The following TMEM263 variants were observed in gnomAD, a reference collection of about 807,000 sequenced individuals.
The protein encoded by TMEM263 is UPF0444 transmembrane protein C12orf23.
TMEM263 carries 5 observed loss-of-function variants against 8.6 expected under a neutral mutation model. The observed-to-expected ratio is 0.58, with a 90% CI of 0.31 to 1.23. The LOEUF (loss-of-function observed/expected upper bound fraction) is 1.23. TMEM263 is among the 50% of genes most tolerant of loss of function. The probability of loss-of-function intolerance (pLI) is 0.07; values close to 1 mark genes in which losing one functional copy is unlikely to be tolerated. For missense variants in TMEM263, 104 were observed against 138.8 expected (o/e 0.75, Z 1.26); for synonymous variants, 50 against 47.9 (o/e 1.04, Z -0.18).
intron 2 of TMEM263, among the ~76,000 whole-genome samples, chr12:106,965,983 T>C (rs1345519034): frequency 1.3e-5 from 2 of 152,172 alleles, no homozygotes; most frequent in African/African-American, 4.8e-5. Flanking sequence ...AGTATTTATT[T>C]ATTAACTTTT....
At chr12:106,968,305 A>G (rs777919470) in intron 3 of TMEM263, among the ~76,000 whole-genome samples, 6 of 152,054 alleles carry the variant, frequency 3.9e-5, no homozygotes, top group Non-Finnish European at 7.4e-5. Flanking sequence ...CAAAAGAACT[A>G]TCGGAGATTG....
chr12:106,966,605 A>G (rs919307366), intron 2 of TMEM263, among the ~76,000 whole-genome samples: 4 of 152,226 alleles, frequency 2.6e-5, no homozygotes, highest in Admixed American at 1.3e-4. Context: ...GTGTATAAGC[A>G]TTCTTTTTTC....
intron 2 of TMEM263, among the ~76,000 whole-genome samples, chr12:106,957,359 G>A (rs1951713574): frequency 6.6e-6 from 1 of 152,138 alleles, no homozygotes; most frequent in Non-Finnish European, 1.5e-5. Context: ...ACCAAGTTCA[G>A]TAAAAATTTG....
chr12:106,965,595 G>C (rs1951832885), intron 2 of TMEM263, among the ~76,000 whole-genome samples: 1 of 142,296 alleles, frequency 7.0e-6, no homozygotes. Context: ...GACAGAGTGA[G>C]ACTCTGTCTC....
At chr12:106,970,607 G>A (rs1245132060) in intron 3 of TMEM263, among the ~76,000 whole-genome samples, 1 of 152,160 alleles carries the variant, frequency 6.6e-6, no homozygotes. Context: ...TATGAAAATA[G>A]TTTTTACCTT....
intron 2 of TMEM263, among the ~76,000 whole-genome samples, chr12:106,958,818 C>G (rs1951732797): frequency 6.6e-6 from 1 of 152,178 alleles, no homozygotes; most frequent in African/African-American, 2.4e-5. Flanking sequence ...GCTGTGTTGC[C>G]CAGGCTGCTC....
In TMEM263 at chr12:106,972,347, T is replaced by TA. The variant is rs1353856398; in HGVS notation, c.*961dup. 6.6e-6 allele frequency: 1 copy of TA among 152,146 alleles called. No individual in the cohort carries two copies. The highest frequency in any genetic ancestry group is 1.5e-5 in the Non-Finnish European group (1 of 67,990). 9.4% of individuals were successfully genotyped at this position (152,146 alleles called of 1,614,324 possible). On this transcript the variant is annotated 3_prime_UTR_variant, in exon 4 of 4. Coordinates refer to ENST00000280756, the MANE Select transcript of TMEM263 (RefSeq NM_152261.4). The stretch of plus-strand genomic sequence containing the variant: ...AAAATTACCTAAAACACCCCAAATA[T>TA]AAAAAGAAGCCTTCACACCTATTCT...
chr12:106,968,672 T>C (rs1045141116), intron 3 of TMEM263, among the ~76,000 whole-genome samples: 4 of 152,232 alleles, frequency 2.6e-5, no homozygotes, highest in Admixed American at 2.6e-4. Flanking sequence ...ATTTATATGG[T>C]GATAATTAAG....
In TMEM263 at chr12:106,971,961, T is replaced by A. The variant is rs928456167; in HGVS notation, c.*570T>A. 1 of 152,720 alleles carries A rather than the reference T, an allele frequency of 6.5e-6. No homozygotes were observed. The highest frequency in any genetic ancestry group is 1.5e-5 in the Non-Finnish European group (1 of 68,068). 9.5% of individuals were successfully genotyped at this position (152,720 alleles called of 1,614,324 possible). On this transcript the variant is annotated 3_prime_UTR_variant, in exon 4 of 4. Coordinates refer to ENST00000280756, the MANE Select transcript of TMEM263 (RefSeq NM_152261.4). ...GTTAACCATCTTTTGTTAGTAAATA[T>A]GCGTTCTATTATTTTAATCATTGAT...
At chr12:106,964,392 T>C (rs1951817538) in intron 2 of TMEM263, among the ~76,000 whole-genome samples, 1 of 152,170 alleles carries the variant, frequency 6.6e-6, no homozygotes, top group African/African-American at 2.4e-5. Flanking sequence ...TTAACCACCA[T>C]CCTGTATAAT....
intron 2 of TMEM263, among the ~76,000 whole-genome samples, chr12:106,957,524 A>G (rs1373080202): frequency 1.3e-5 from 2 of 150,888 alleles, no homozygotes; most frequent in Non-Finnish European, 3.0e-5. Flanking sequence ...CTCTTTTTCT[A>G]TTTCCGGAAG....
rs1216845828 is a variant in TMEM263 at position 106,972,230 on chromosome 12, C to T, written c.*839C>T. 3 of 152,160 alleles carry T rather than the reference C, an allele frequency of 2.0e-5. No individual in the cohort carries two copies. 9.4% of individuals were successfully genotyped at this position (152,160 alleles called of 1,614,324 possible). A position where few individuals can be genotyped will look rare whatever the true frequency, so the allele number is the denominator to read the frequency against. On this transcript the variant is annotated 3_prime_UTR_variant, in exon 4 of 4. Transcript: ENST00000280756. ...TTCATGCTTCATCATTAATACACCT[C>T]ACAGTGCCTAAGGAACATTTACTTA... is the stretch of plus-strand genomic sequence containing the variant.
chr12:106,970,373 A>C (rs1450701298), intron 3 of TMEM263, among the ~76,000 whole-genome samples: 4 of 146,830 alleles, frequency 2.7e-5, no homozygotes, highest in African/African-American at 8.1e-5. Flanking sequence ...ATTTTTATGA[A>C]TAGTAATTCT....
At chr12:106,962,788 C>CT (rs1951797074) in intron 2 of TMEM263, among the ~76,000 whole-genome samples, 1 of 152,222 alleles carries the variant, frequency 6.6e-6, no homozygotes, top group Non-Finnish European at 1.5e-5. Flanking sequence ...TTCATCATCT[C>CT]TGTCTTATAC....
rs775093842 is a variant in TMEM263 at position 106,971,243 on chromosome 12, C to A, written c.203C>A (p.Thr68Asn). Residue 68 changes from threonine to asparagine, a missense_variant, in exon 4 of 4, where the codon ACC becomes AAC. Thr to Asn is a moderately conservative substitution (Grantham distance 65). Transcript: ENST00000280756. ...ATTGGTGGAAAGAGTCTGGAAGTGA[C>A]CAAAACAGCTGTTACAACTGTGCCT... is the stretch of plus-strand genomic sequence containing the variant. ...AWIGGKSLEV[T>N]KTAVTTVPSM... 1.1e-5 allele frequency: 17 copies of A among 1,614,002 alleles called. No individual in the cohort carries two copies. The highest frequency in any genetic ancestry group is 1.3e-5 in the Non-Finnish European group (15 of 1,180,030).
chr12:106,963,999 G>T (rs1951812615), intron 2 of TMEM263, among the ~76,000 whole-genome samples: 1 of 152,064 alleles, frequency 6.6e-6, no homozygotes, highest in Non-Finnish European at 1.5e-5. Context: ...ATAGGGTATG[G>T]TACCTTCTGT....
At chr12:106,957,242 C>G (rs1176644654) in intron 2 of TMEM263, 93 bp downstream of exon 2, 1 of 894,378 alleles carries the variant, frequency 1.1e-6, no homozygotes, top group African/African-American at 1.8e-5. Flanking sequence ...CCATGCTTAA[C>G]TTTTTAAAAA....
At chr12:106,956,161 A>G in intron 1 of TMEM263, 96 bp downstream of exon 1, 2 of 621,016 alleles carry the variant, frequency 3.2e-6, no homozygotes, top group East Asian at 1.4e-4. Flanking sequence ...CTCACCTCCC[A>G]GTGCCCGGCC....
At chr12:106,960,564 T>C (rs1396867903) in intron 2 of TMEM263, among the ~76,000 whole-genome samples, 1 of 152,092 alleles carries the variant, frequency 6.6e-6, no homozygotes, top group East Asian at 1.9e-4. Flanking sequence ...CATTTCACAC[T>C]CCTCTACAGA....
Sources: gnomAD v4.1 joint callset for allele counts (sites outside exome capture counted in the v4.1 genomes callset) on GRCh38, gnomAD v4.1.1 for gene constraint, MANE v1.5 for transcripts, NCBI Gene and HGNC (gene_info 2026-07-23, HGNC 2026-07-21) for gene names.